Variants in PCDH15 observed in about 807,000 individuals in gnomAD.
PCDH15 encodes protocadherin related 15.
Under a neutral mutation model 178.5 loss-of-function variants are expected in PCDH15, and 129 were observed. The observed-to-expected ratio is 0.72, with a 90% confidence interval of 0.63 to 0.84. The LOEUF is 0.84. Among genes scored for constraint, PCDH15 ranks in the 40% least tolerant of loss-of-function variants. PCDH15 has a pLI of 0.00. For missense variants in PCDH15, 2,230 were observed against 2,099.9 expected (o/e 1.06, Z -1.21); for synonymous variants, 800 against 732.0 (o/e 1.09, Z -1.50).
chr10:53,817,257 A>T (rs1389714715), intron 34 of PCDH15, among the ~76,000 whole-genome samples: 1 of 152,172 alleles, frequency 6.6e-6, no homozygotes, highest in African/African-American at 2.4e-5. Context: ...AAATCAAACT[A>T]GGTTCGCAGT....
intron 20 of PCDH15, among the ~76,000 whole-genome samples, chr10:53,997,422 CT>C (rs2091907474): frequency 6.6e-6 from 1 of 152,062 alleles, no homozygotes; most frequent in South Asian, 2.1e-4. Flanking sequence ...TGTGGAAATC[CT>C]TTAGCACCCC....
intron 3 of PCDH15, among the ~76,000 whole-genome samples, chr10:54,445,980 A>G (rs973595308): frequency 1.6e-4 from 25 of 151,528 alleles, no homozygotes; most frequent in Non-Finnish European, 3.1e-4. Flanking sequence ...ACAACACTGT[A>G]TATGCTCTGA....
intron 2 of PCDH15, among the ~76,000 whole-genome samples, chr10:54,598,539 A>G (rs1185168023): frequency 6.6e-6 from 1 of 152,134 alleles, no homozygotes; most frequent in Non-Finnish European, 1.5e-5. Flanking sequence ...CAAAAGCTGG[A>G]AGCACTGTCC....
At chr10:55,614,021 G>C (rs1843424662) in intron 2 of PCDH15, among the ~76,000 whole-genome samples, 2 of 152,070 alleles carry the variant, frequency 1.3e-5, no homozygotes, top group Admixed American at 6.6e-5. Context: ...GGCTGAGGTG[G>C]GAGAATGGCT....
At chr10:54,493,755 G>T (rs1186900927) in intron 3 of PCDH15, among the ~76,000 whole-genome samples, 1 of 152,076 alleles carries the variant, frequency 6.6e-6, no homozygotes, top group African/African-American at 2.4e-5. Context: ...CAAAGGACTA[G>T]AAATCATGCT....
intron 1 of PCDH15, among the ~76,000 whole-genome samples, chr10:54,687,724 A>T (rs2135746670): frequency 6.6e-6 from 1 of 152,144 alleles, no homozygotes; most frequent in Non-Finnish European, 1.5e-5. Context: ...CATTCACTGA[A>T]CCCCACCCTG....
chr10:54,462,473 T>C (rs897097987), intron 3 of PCDH15, among the ~76,000 whole-genome samples: 5 of 107,342 alleles, frequency 4.7e-5, no homozygotes, highest in Non-Finnish European at 1.0e-4. Flanking sequence ...TAATCCTTTC[T>C]TTCTTTCTTT....
intron 20 of PCDH15, among the ~76,000 whole-genome samples, chr10:54,001,226 T>C (rs2092120264): frequency 6.6e-6 from 1 of 152,094 alleles, no homozygotes; most frequent in Non-Finnish European, 1.5e-5. Context: ...TCGTGAGTAA[T>C]AAGAAATCAT....
Position 54,455,535 on chromosome 10 carries a change from C to T in PCDH15, c.157+72277G>A, listed in dbSNP as rs887821692. ...CAGGGAGACTGGCAGCATTTTGCCC[C>T]GCAGAACTTTGAACTTGAGAGAGAT... On this transcript the variant is annotated intron_variant, in intron 3 of 37. Coordinates refer to ENST00000644397, the MANE Select transcript of PCDH15 (RefSeq NM_001384140.1). 7.2e-5 allele frequency among the ~76,000 whole-genome samples: 11 copies of T among 152,000 alleles called. No individual in the cohort carries two copies. In the South Asian group the frequency reaches 8.3e-4, roughly 11 times the overall value.
chr10:54,129,297 A>G (rs2042233046), intron 15 of PCDH15, among the ~76,000 whole-genome samples: 1 of 152,228 alleles, frequency 6.6e-6, no homozygotes, highest in South Asian at 2.1e-4. Context: ...ATCAATACAT[A>G]TTATAGTAAA....
intron 1 of PCDH15, among the ~76,000 whole-genome samples, chr10:54,726,419 G>GGTGGGTGTGGGT (rs1555170484): frequency 1.0e-4 from 2 of 19,462 alleles, no homozygotes; most frequent in African/African-American, 3.2e-4. Context: ...ACCCATCAGG[G>GGTGGGTGTGGGT]GTGTGTGTGT....
At chr10:53,815,760 T>C (rs2076038948) in intron 35 of PCDH15, among the ~76,000 whole-genome samples, 1 of 151,922 alleles carries the variant, frequency 6.6e-6, no homozygotes, top group Non-Finnish European at 1.5e-5. Context: ...AAAAAATATC[T>C]TTTTCACATT....
At chr10:54,882,579 A>T (rs552449234) in intron 3 of PCDH15, among the ~76,000 whole-genome samples, 1 of 152,228 alleles carries the variant, frequency 6.6e-6, no homozygotes, top group East Asian at 1.9e-4. Context: ...TTAAATGAGG[A>T]ATCTCATTCT....
At chr10:55,481,458 G>C (rs370786714) in intron 2 of PCDH15, among the ~76,000 whole-genome samples, 5 of 151,294 alleles carry the variant, frequency 3.3e-5, no homozygotes, top group African/African-American at 1.2e-4. Flanking sequence ...CTAACTTTTT[G>C]ATGTGGTTTT....
At chr10:55,106,424 T>G (rs562677898) in intron 2 of PCDH15, among the ~76,000 whole-genome samples, 1 of 152,216 alleles carries the variant, frequency 6.6e-6, no homozygotes, top group Admixed American at 6.5e-5. Flanking sequence ...TTATTATTAC[T>G]ATTTTTGAGA....
rs11004566 is a variant in PCDH15, at chr10:54,773,811, A to G, written c.-29+27114T>C. Reference sequence around the variant, plus strand: ...TCACTTTCTAAAATACCAAGAAAATATCATTCAATGCTGCAAAAATAACCT... The same window carrying G: ...TCACTTTCTAAAATACCAAGAAAATGTCATTCAATGCTGCAAAAATAACCT... On this transcript the variant is annotated intron_variant, in intron 1 of 37. Transcript: ENST00000644397. 4.6e-3 allele frequency among the ~76,000 whole-genome samples: 706 copies of G among 152,246 alleles called. 16 individuals are homozygous for G. In the East Asian group the frequency reaches 0.055, roughly 12 times the overall value.
chr10:54,815,312 T>A (rs930533204), intron 3 of PCDH15, among the ~76,000 whole-genome samples: 5 of 152,100 alleles, frequency 3.3e-5, no homozygotes, highest in African/African-American at 9.7e-5. Flanking sequence ...TTATAAAAAC[T>A]TAAAATTTAT....
At chr10:54,955,807 G>A (rs191488479) in intron 2 of PCDH15, among the ~76,000 whole-genome samples, 55 of 151,280 alleles carry the variant, frequency 3.6e-4, no homozygotes, top group African/African-American at 1.3e-3. Flanking sequence ...ATTAATTTAT[G>A]ACATTCAGCA....
intron 2 of PCDH15, among the ~76,000 whole-genome samples, chr10:55,071,074 G>T (rs1356229184): frequency 5.9e-5 from 9 of 152,054 alleles, no homozygotes; most frequent in South Asian, 4.1e-4. Flanking sequence ...CACCAGGCCT[G>T]CCCTAAAAGA....
Sources: gnomAD v4.1 joint callset for allele counts (sites outside exome capture counted in the v4.1 genomes callset) on GRCh38, gnomAD v4.1.1 for gene constraint, MANE v1.5 for transcripts, NCBI Gene and HGNC (gene_info 2026-07-23, HGNC 2026-07-21) for gene names.